The following MROH7 variants were observed in gnomAD, a reference collection of about 807,000 sequenced individuals.
The protein encoded by MROH7 is maestro heat like repeat family member 7.
In MROH7, 113 loss-of-function variants were observed where a neutral mutation model predicts 129.2. That is an observed-to-expected ratio of 0.87 (90% CI 0.75 to 1.02). MROH7 has a LOEUF of 1.02. MROH7 is among the 50% of genes least tolerant of loss of function. The probability of loss-of-function intolerance (pLI) is 0.00; values close to 1 mark genes in which losing one functional copy is unlikely to be tolerated. For missense variants in MROH7, 1,601 were observed against 1,671.3 expected (o/e 0.96, Z 0.73); for synonymous variants, 655 against 667.9 (o/e 0.98, Z 0.30).
intron 17 of MROH7, 132 bp from the exon 18 acceptor site, chr1:54,700,188 CT>C: frequency 8.9e-7 from 1 of 1,124,968 alleles, no homozygotes; most frequent in Non-Finnish European, 1.3e-6. Context: ...TTCCAGCAAT[CT>C]GTTGGTTTTG....
chr1:54,649,408 A>C (rs1644521022), intron 1 of MROH7, among the ~76,000 whole-genome samples: 1 of 152,238 alleles, frequency 6.6e-6, no homozygotes, highest in African/African-American at 2.4e-5. Flanking sequence ...ATCCCACCCA[A>C]GCCCCTCAAG....
At chr1:54,689,363 C>T (rs1645198572) in intron 15 of MROH7, among the ~76,000 whole-genome samples, 1 of 152,170 alleles carries the variant, frequency 6.6e-6, no homozygotes, top group South Asian at 2.1e-4. Context: ...CTGCTGACAC[C>T]TTAATTTTGG....
intron 10 of MROH7, among the ~76,000 whole-genome samples, chr1:54,675,861 T>C (rs1394588072): frequency 6.6e-6 from 1 of 151,710 alleles, no homozygotes; most frequent in Non-Finnish European, 1.5e-5. Context: ...GTCTCGAACT[T>C]CTGGGCTCAA....
chr1:54,690,791 A>G (rs1645224695), intron 15 of MROH7, among the ~76,000 whole-genome samples: 1 of 152,172 alleles, frequency 6.6e-6, no homozygotes, highest in African/African-American at 2.4e-5. Flanking sequence ...AACACAAATG[A>G]GGACTGGGAG....
chr1:54,670,681 C>CTT, intron 6 of MROH7, 105 bp downstream of exon 6: 1 of 1,363,838 alleles, frequency 7.3e-7, no homozygotes, highest in African/African-American at 1.5e-5. Context: ...GCCCCCACCC[C>CTT]TCGCCCGGTG....
intron 15 of MROH7, among the ~76,000 whole-genome samples, chr1:54,690,914 C>T (rs1307301360): frequency 6.6e-6 from 1 of 152,080 alleles, no homozygotes; most frequent in Non-Finnish European, 1.5e-5. Context: ...AAATGATGAC[C>T]CTGGAGATAG....
At chr1:54,683,969 T>C (rs1232453056) in intron 14 of MROH7, among the ~76,000 whole-genome samples, 2 of 152,256 alleles carry the variant, frequency 1.3e-5, no homozygotes, top group Non-Finnish European at 2.9e-5. Flanking sequence ...GATCCTTTGG[T>C]TAATCTGTGA....
chr1:54,679,878 G>T lies in MROH7; in HGVS notation c.2227-13G>T, dbSNP rs200504015. On this transcript the variant is annotated splice_polypyrimidine_tract_variant and intron_variant, in intron 12 of 23. Transcript: ENST00000421030. ...CAGTCCCCTTGCTCATGGCTGCCCC[G>T]GCTGTGCCCCAGATCCCAGAAATCA... 1.9e-6 allele frequency: 3 copies of T among 1,600,842 alleles called. No individual in the cohort carries two copies. Among genetic ancestry groups the T allele is most frequent in the Non-Finnish European group, 2.6e-6 (3 of 1,174,852 alleles).
intron 5 of MROH7, among the ~76,000 whole-genome samples, chr1:54,670,018 A>AT (rs1273857626): frequency 3.9e-5 from 6 of 151,952 alleles, no homozygotes; most frequent in Non-Finnish European, 8.8e-5. Flanking sequence ...AAAAAAAAAA[A>AT]AAAAATAGTT....
chr1:54,696,157 C>T (rs76814010), intron 17 of MROH7, among the ~76,000 whole-genome samples: 2,016 of 152,236 alleles, frequency 0.013, 49 homozygotes, highest in African/African-American at 0.047. Context: ...GACGCAGATA[C>T]TATTCCATGC....
At chr1:54,645,137 A>C (rs988963232) in intron 1 of MROH7, among the ~76,000 whole-genome samples, 1 of 152,122 alleles carries the variant, frequency 6.6e-6, no homozygotes, top group African/African-American at 2.4e-5. Context: ...ACTGCTTTGA[A>C]ATCCTTGTCA....
chr1:54,670,720 G>C (rs990444969), intron 6 of MROH7, 80 bp from the exon 7 acceptor site: 12 of 1,462,158 alleles, frequency 8.2e-6, no homozygotes, highest in Non-Finnish European at 9.1e-6. Flanking sequence ...CCCAGTCCCT[G>C]TGCTCCTCAG....
In MROH7 at chr1:54,701,270, A is replaced by G. The variant is rs748149950; in HGVS notation, c.3233A>G (p.Asp1078Gly). Residue 1078 changes from aspartate (D) to glycine (G), a missense_variant, in exon 19 of 24, where the codon GAC becomes GGC. Coordinates refer to ENST00000421030, the MANE Select transcript of MROH7 (RefSeq NM_001039464.4). ...AAGGGGCGGGACCAGAAGCTGATGG[A>G]CAGTGCGGTCTATGTGGAGATGCTG... ...VFKGRDQKLM[D>G]SAVYVEMLQI... 1.2e-6 allele frequency: 2 copies of G among 1,613,438 alleles called. No homozygotes were observed. The highest frequency in any genetic ancestry group is 8.5e-7 in the Non-Finnish European group (1 of 1,179,560).
chr1:54,653,455 C>A lies in MROH7; in HGVS notation c.529C>A (p.Pro177Thr). 6.2e-7 allele frequency: 1 copy of A among 1,614,162 alleles called. No homozygotes were observed. The highest frequency in any genetic ancestry group is 8.5e-7 in the Non-Finnish European group (1 of 1,180,038). The change falls in exon 3 of 24, where the codon CCA becomes ACA. Residue 177 changes from proline to threonine, a missense_variant. Physicochemically the swap from Pro to Thr is conservative, Grantham distance 38. Transcript: ENST00000421030. ...CAACCCTTCTAGGCATGAATTAAAC[C>A]CATTTATAAGGCACCATTCCAGAGA... The part of the protein sequence containing the change: ...NSNPSRHELN[P>T]FIRHHSREGL...
intron 21 of MROH7, among the ~76,000 whole-genome samples, chr1:54,702,958 T>A (rs751041940): frequency 2.0e-5 from 3 of 152,134 alleles, no homozygotes; most frequent in Non-Finnish European, 4.4e-5. Context: ...CCCACGATGA[T>A]CACGGGCACT....
intron 11 of MROH7, 75 bp downstream of exon 11, chr1:54,678,929 T>A: frequency 8.3e-7 from 1 of 1,197,660 alleles, no homozygotes; most frequent in East Asian, 2.4e-5. Context: ...CCCAAAGCTT[T>A]CTTCCCTTCT....
chr1:54,684,948 G>A (rs1645124724), intron 14 of MROH7, among the ~76,000 whole-genome samples: 1 of 152,172 alleles, frequency 6.6e-6, no homozygotes, highest in African/African-American at 2.4e-5. Flanking sequence ...GAACATGTCA[G>A]GGGTTCTTTC....
At chr1:54,686,228 C>A (rs1268218126) in intron 14 of MROH7, 30 bp from the exon 15 acceptor site, 1 of 1,583,766 alleles carries the variant, frequency 6.3e-7, no homozygotes, top group South Asian at 1.2e-5. Context: ...TGGGCCACGA[C>A]ATCCCAGCAG....
chr1:54,692,055 G>C (rs1391019829), intron 15 of MROH7, among the ~76,000 whole-genome samples: 1 of 152,168 alleles, frequency 6.6e-6, no homozygotes, highest in Admixed American at 6.5e-5. Flanking sequence ...TGGGTATGCA[G>C]TTTGAGAATC....
Sources: gnomAD v4.1 joint callset for allele counts (sites outside exome capture counted in the v4.1 genomes callset) on GRCh38, gnomAD v4.1.1 for gene constraint, MANE v1.5 for transcripts, NCBI Gene and HGNC (gene_info 2026-07-23, HGNC 2026-07-21) for gene names.